The following LRMDA variants were observed in gnomAD, a reference collection of about 807,000 sequenced individuals.
LRMDA encodes the protein leucine-rich melanocyte differentiation-associated protein.
Under a neutral mutation model 29.8 loss-of-function variants are expected in LRMDA, and 18 were observed. The observed-to-expected ratio is 0.60, with a 90% CI of 0.42 to 0.90. The LOEUF is 0.90. Among genes scored for constraint, LRMDA ranks in the 40% least tolerant of loss-of-function variants. The pLI, the probability that LRMDA is intolerant of heterozygous loss-of-function variation, is 0.00. For synonymous variants in LRMDA, 125 were observed against 109.4 expected (o/e 1.14, Z -0.89); for missense variants, 273 against 273.9 (o/e 1.00, Z 0.02).
At chr10:75,723,908 G>T (rs528392545) in intron 2 of LRMDA, among the ~76,000 whole-genome samples, 3 of 152,098 alleles carry the variant, frequency 2.0e-5, no homozygotes, top group Non-Finnish European at 4.4e-5. Context: ...GTGTAATGCC[G>T]TAGTAAAAAT....
chr10:75,588,382 A>G (rs1291503232), intron 2 of LRMDA, among the ~76,000 whole-genome samples: 1 of 152,212 alleles, frequency 6.6e-6, no homozygotes, highest in African/African-American at 2.4e-5. Context: ...AGGGGCTTGT[A>G]GTCCTTTTGT....
At chr10:75,572,328 T>C (rs1423853900) in intron 2 of LRMDA, among the ~76,000 whole-genome samples, 1 of 151,980 alleles carries the variant, frequency 6.6e-6, no homozygotes, top group Admixed American at 6.5e-5. Context: ...ATTCCCTGTC[T>C]TCTTTTTCAG....
intron 2 of LRMDA, among the ~76,000 whole-genome samples, chr10:75,665,745 C>T (rs1405602109): frequency 6.6e-6 from 1 of 152,204 alleles, no homozygotes. Context: ...TTGTCTAGTG[C>T]ATCCTTCTAG....
At chr10:76,537,122 C>T (rs1013607504) in intron 6 of LRMDA, among the ~76,000 whole-genome samples, 52 of 152,272 alleles carry the variant, frequency 3.4e-4, no homozygotes, top group African/African-American at 1.0e-3. Flanking sequence ...AATTTGTTCA[C>T]GAGAGAGCTT....
At chr10:75,501,827 T>A (rs558799544) in intron 2 of LRMDA, among the ~76,000 whole-genome samples, 1 of 152,196 alleles carries the variant, frequency 6.6e-6, no homozygotes, top group African/African-American at 2.4e-5. Flanking sequence ...TATTGCTTTC[T>A]TTATTTTTTC....
At chr10:76,188,531 G>A (rs1302401974) in intron 5 of LRMDA, among the ~76,000 whole-genome samples, 3 of 152,092 alleles carry the variant, frequency 2.0e-5, no homozygotes, top group South Asian at 2.1e-4. Context: ...TCCCTCTTGC[G>A]GGGCCTTTGT....
In LRMDA at chr10:76,186,150, T is replaced by G. The variant is rs558529293; in HGVS notation, c.516+127367T>G. On this transcript the variant is annotated intron_variant, in intron 5 of 6. Coordinates refer to ENST00000611255, the MANE Select transcript of LRMDA (RefSeq NM_001305581.2). Reference sequence around the variant, plus strand: ...TTTAGCCTGAGGTGTGGAATGTTAATAGTGGGATCTTGGACAGTTTGTTTA... The same window carrying G: ...TTTAGCCTGAGGTGTGGAATGTTAAGAGTGGGATCTTGGACAGTTTGTTTA... Among the ~76,000 whole-genome samples, 3 of 152,282 alleles carry G rather than the reference T, an allele frequency of 2.0e-5. No homozygotes were observed. The South Asian group carries it at 6.2e-4, about 32-fold the overall frequency.
chr10:75,682,510 T>C (rs1284913987), intron 2 of LRMDA, among the ~76,000 whole-genome samples: 1 of 152,086 alleles, frequency 6.6e-6, no homozygotes, highest in African/African-American at 2.4e-5. Flanking sequence ...TGCACATGTA[T>C]AATATACATA....
intron 2 of LRMDA, among the ~76,000 whole-genome samples, chr10:75,889,452 C>T (rs775161064): frequency 2.2e-4 from 33 of 152,172 alleles, no homozygotes; most frequent in Non-Finnish European, 4.6e-4. Context: ...TTAGGTTTCC[C>T]CTCCTTGCTT....
intron 2 of LRMDA, among the ~76,000 whole-genome samples, chr10:75,988,374 C>A (rs1266960383): frequency 1.3e-5 from 2 of 152,092 alleles, no homozygotes; most frequent in African/African-American, 2.4e-5. Flanking sequence ...GACCCAGAGA[C>A]AGGTCTGGGT....
chr10:75,993,856 A>C (rs1847414037), intron 2 of LRMDA, among the ~76,000 whole-genome samples: 1 of 152,156 alleles, frequency 6.6e-6, no homozygotes, highest in African/African-American at 2.4e-5. Context: ...GGAGAGGAAC[A>C]CTTCCCTTTC....
intron 6 of LRMDA, among the ~76,000 whole-genome samples, chr10:76,437,956 G>T (rs1455612761): frequency 6.6e-6 from 1 of 152,156 alleles, no homozygotes; most frequent in East Asian, 1.9e-4. Context: ...CTGAAGAGCA[G>T]GGAAGCTAGT....
intron 2 of LRMDA, among the ~76,000 whole-genome samples, chr10:75,633,621 G>A (rs538096085): frequency 6.6e-6 from 1 of 152,172 alleles, no homozygotes; most frequent in Non-Finnish European, 1.5e-5. Flanking sequence ...CAGAAAATTT[G>A]TCATTCTAAT....
At chr10:75,819,985 T>A (rs913956407) in intron 2 of LRMDA, among the ~76,000 whole-genome samples, 2 of 152,178 alleles carry the variant, frequency 1.3e-5, no homozygotes, top group African/African-American at 4.8e-5. Context: ...TAAATATACA[T>A]GCACCAAATA....
chr10:75,439,756 A>G (rs1844306435), intron 2 of LRMDA, among the ~76,000 whole-genome samples: 1 of 152,194 alleles, frequency 6.6e-6, no homozygotes, highest in Admixed American at 6.5e-5. Context: ...GTACACAGGG[A>G]TGAGAGGAAG....
intron 5 of LRMDA, among the ~76,000 whole-genome samples, chr10:76,065,377 G>T (rs551951192): frequency 6.6e-6 from 1 of 152,348 alleles, no homozygotes; most frequent in East Asian, 1.9e-4. Flanking sequence ...GGTGGTAGCA[G>T]CCTCTTAGGG....
In LRMDA at chr10:76,251,500, C is replaced by A. The variant is rs531234618; in HGVS notation, c.517-72901C>A. Among the ~76,000 whole-genome samples the A allele has an allele frequency of 3.3e-5, 5 of 151,714 alleles. No homozygotes were observed. The South Asian group carries it at 6.3e-4, about 19-fold the overall frequency. ...ATCTCCTGACCTCATGATCCACCCG[C>A]CTCGGCCTCCCAAAGTGCTGGGATT... On this transcript the variant is annotated intron_variant, in intron 5 of 6. Coordinates refer to ENST00000611255, the MANE Select transcript of LRMDA (RefSeq NM_001305581.2).
chr10:76,336,607 T>C (rs1446291329), intron 6 of LRMDA, among the ~76,000 whole-genome samples: 1 of 152,140 alleles, frequency 6.6e-6, no homozygotes, highest in Non-Finnish European at 1.5e-5. Context: ...AATGCAGTGC[T>C]AATTCCCAAA....
intron 2 of LRMDA, among the ~76,000 whole-genome samples, chr10:75,830,374 A>G (rs1844319107): frequency 1.3e-5 from 2 of 152,198 alleles, no homozygotes; most frequent in African/African-American, 4.8e-5. Flanking sequence ...ACATTAGTAC[A>G]CTGTATTAGT....
Sources: gnomAD v4.1 joint callset for allele counts (sites outside exome capture counted in the v4.1 genomes callset) on GRCh38, gnomAD v4.1.1 for gene constraint, MANE v1.5 for transcripts, NCBI Gene and HGNC (gene_info 2026-07-23, HGNC 2026-07-21) for gene names.